Variants in ELP4 observed in about 807,000 individuals in gnomAD.
ELP4 encodes the protein elongator complex protein 4.
Under a neutral mutation model 48.9 loss-of-function variants are expected in ELP4, and 51 were observed. That is an observed-to-expected ratio of 1.04 (90% confidence interval 0.83 to 1.32). ELP4 has a LOEUF of 1.32. Ranked by LOEUF, ELP4 falls within the 40% of genes most tolerant of loss-of-function variation. The probability of loss-of-function intolerance (pLI) is 0.00; values close to 1 mark genes in which losing one functional copy is unlikely to be tolerated. For missense variants in ELP4, 519 were observed against 514.6 expected (o/e 1.01, Z -0.08); for synonymous variants, 210 against 189.2 (o/e 1.11, Z -0.90).
At chr11:31,541,519 T>C (rs1956590723) in intron 3 of ELP4, 1 of 152,212 alleles carries the variant, frequency 6.6e-6, no homozygotes, top group Non-Finnish European at 1.5e-5. Flanking sequence ...TTCCACAATA[T>C]ACCGAGACTA....
At chr11:31,577,329 G>A (rs1329868300) in intron 3 of ELP4, among the ~76,000 whole-genome samples, 2 of 152,120 alleles carry the variant, frequency 1.3e-5, no homozygotes, top group African/African-American at 4.8e-5. Context: ...GGACCCGATG[G>A]ATTAACAGCC....
chr11:31,686,634 A>T (rs1946167645), intron 9 of ELP4, among the ~76,000 whole-genome samples: 1 of 152,074 alleles, frequency 6.6e-6, no homozygotes, highest in South Asian at 2.1e-4. Flanking sequence ...TAATCCTAGC[A>T]CTTGGGGAGG....
intron 9 of ELP4, among the ~76,000 whole-genome samples, chr11:31,754,428 T>G (rs1947791203): frequency 6.6e-6 from 1 of 152,144 alleles, no homozygotes; most frequent in Admixed American, 6.5e-5. Context: ...ACCATGTTCT[T>G]ACTTCAGTGA....
At chr11:31,689,782 G>C (rs1187367479) in intron 9 of ELP4, among the ~76,000 whole-genome samples, 1 of 152,144 alleles carries the variant, frequency 6.6e-6, no homozygotes, top group Non-Finnish European at 1.5e-5. Context: ...AGCAAATAAT[G>C]TCTTTCTGCT....
chr11:31,542,694 A>AGG (rs754131581), intron 3 of ELP4, among the ~76,000 whole-genome samples: 36 of 152,222 alleles, frequency 2.4e-4, no homozygotes, highest in Non-Finnish European at 4.1e-4. Context: ...TCCCAGTCCA[A>AGG]AGCTCAAAGT....
At chr11:31,706,108 AT>A (rs1231766871) in intron 9 of ELP4, among the ~76,000 whole-genome samples, 3 of 151,940 alleles carry the variant, frequency 2.0e-5, no homozygotes, top group Non-Finnish European at 4.4e-5. Context: ...TGTATGTTGT[AT>A]TTTTTTACTT....
rs555562096 is a variant in ELP4, at chr11:31,576,176, G to C, written c.382-18594G>C. Among the ~76,000 whole-genome samples the C allele has an allele frequency of 3.0e-4, 46 of 152,258 alleles. No homozygotes were observed. In the South Asian group the frequency reaches 9.1e-3, roughly 30 times the overall value. On this transcript the variant is annotated intron_variant, in intron 3 of 9. Transcript: ENST00000640961. ...ATAAAACAGACTTTAAATCAACAAA[G>C]ATCAGAAGAGACAAAGAAGGCCATT...
chr11:31,665,661 T>A (rs978222167), intron 9 of ELP4, among the ~76,000 whole-genome samples: 64 of 140,706 alleles, frequency 4.5e-4, no homozygotes, highest in African/African-American at 1.6e-3. Flanking sequence ...CTTCCTTTTT[T>A]TTTTTTTTTT....
intron 3 of ELP4, among the ~76,000 whole-genome samples, chr11:31,540,430 A>AC (rs1196649470): frequency 6.6e-6 from 1 of 152,230 alleles, no homozygotes; most frequent in Non-Finnish European, 1.5e-5. Flanking sequence ...GCAAAAATAA[A>AC]CTGATTCCAA....
chr11:31,725,590 CTT>C (rs1365735948), intron 9 of ELP4, among the ~76,000 whole-genome samples: 1 of 152,206 alleles, frequency 6.6e-6, no homozygotes, highest in East Asian at 1.9e-4. Flanking sequence ...CTTGGCCAGA[CTT>C]TGAGTTTGTC....
In ELP4 at chr11:31,614,001, G is replaced by A. The variant is rs369469027; in HGVS notation, c.653+10094G>A. Reference sequence around the variant, plus strand: ...TCTGGGATTACAGGCATGAGCCACCGTGCCTGGCCTGAACACTTGAGTCAT... The same window carrying A: ...TCTGGGATTACAGGCATGAGCCACCATGCCTGGCCTGAACACTTGAGTCAT... On this transcript the variant is annotated intron_variant, in intron 5 of 9. Coordinates refer to ENST00000640961, the MANE Select transcript of ELP4 (RefSeq NM_019040.5). 9.9e-4 allele frequency among the ~76,000 whole-genome samples: 151 copies of A among 152,106 alleles called. 1 individual carries two copies. Among genetic ancestry groups the A allele is most frequent in the African/African-American group, 3.3e-3 (139 of 41,500 alleles).
intron 3 of ELP4, among the ~76,000 whole-genome samples, chr11:31,557,921 T>A (rs1476686674): frequency 6.6e-6 from 1 of 152,138 alleles, no homozygotes; most frequent in Non-Finnish European, 1.5e-5. Context: ...TTATTATATT[T>A]CCTTAAAACT....
At chr11:31,607,928 T>C (rs1957904211) in intron 5 of ELP4, among the ~76,000 whole-genome samples, 1 of 152,176 alleles carries the variant, frequency 6.6e-6, no homozygotes, top group Non-Finnish European at 1.5e-5. Flanking sequence ...TCTAGGAAGA[T>C]GTGGAGACCT....
chr11:31,562,754 T>G (rs946554280), intron 3 of ELP4, among the ~76,000 whole-genome samples: 1 of 152,166 alleles, frequency 6.6e-6, no homozygotes, highest in Non-Finnish European at 1.5e-5. Context: ...GTTAATTCAC[T>G]AATACTGGTT....
At chr11:31,662,463 T>C in intron 9 of ELP4, 1 of 395,754 alleles carries the variant, frequency 2.5e-6, no homozygotes. Flanking sequence ...GTTGTTGTTG[T>C]TGTTTTAATA....
At chr11:31,676,261 A>G (rs1026302632) in intron 9 of ELP4, among the ~76,000 whole-genome samples, 2 of 152,164 alleles carry the variant, frequency 1.3e-5, no homozygotes, top group African/African-American at 4.8e-5. Flanking sequence ...AATGCCCTCA[A>G]ATATTTGTTC....
intron 9 of ELP4, among the ~76,000 whole-genome samples, chr11:31,765,713 T>G (rs774531803): frequency 7.2e-5 from 11 of 152,178 alleles, no homozygotes; most frequent in Admixed American, 1.3e-4. Context: ...CTGGAAATAC[T>G]ATTTAAGTAG....
In ELP4 at chr11:31,662,768, A is replaced by G. The variant is rs1945591161; in HGVS notation, c.1143+12547A>G. ...AATTTGCACTTGTAGAATTTATGCA[A>G]TGTCTTTGACAAAATACCTAGATTT... is the stretch of plus-strand genomic sequence containing the variant. On this transcript the variant is annotated intron_variant, in intron 9 of 9. Transcript: ENST00000640961. The G allele has an allele frequency of 1.0e-5, 4 of 388,688 alleles. No individual in the cohort carries two copies. In the East Asian group the frequency reaches 1.1e-4, roughly 11 times the overall value. The allele number at this position is 388,688 out of a possible 1,614,324, so 24.1% of individuals were successfully genotyped here. A position where few individuals can be genotyped will look rare whatever the true frequency, so the allele number is the denominator to read the frequency against.
chr11:31,786,143 C>A lies in ELP4; in HGVS notation c.*2619C>A. ...TATTCCTTATGTCCACCTCCAGGAT[C>A]TTTAAATACTAACAGTAGACAAAAT... On this transcript the variant is annotated 3_prime_UTR_variant, in exon 10 of 10. Coordinates refer to ENST00000640961, the MANE Select transcript of ELP4 (RefSeq NM_019040.5). The A allele has an allele frequency of 5.0e-6, 1 of 200,196 alleles. No homozygotes were observed. The highest frequency in any genetic ancestry group is 7.7e-5 in the East Asian group (1 of 12,914). 12.4% of individuals were successfully genotyped at this position (200,196 alleles called of 1,614,324 possible).
Sources: allele counts gnomAD v4.1 joint callset (sites outside exome capture counted in the v4.1 genomes callset), GRCh38; gene constraint gnomAD v4.1.1; transcripts MANE v1.5; gene names NCBI Gene and HGNC (gene_info 2026-07-23, HGNC 2026-07-21).